CLMN: variants seen among roughly 807,000 people sequenced by gnomAD.
CLMN encodes calmin.
CLMN carries 57 observed loss-of-function variants against 92.7 expected under a neutral mutation model. The observed-to-expected ratio is 0.61, with a 90% CI of 0.50 to 0.77. The LOEUF (loss-of-function observed/expected upper bound fraction) is 0.77. Ranked by LOEUF, CLMN falls within the 30% of genes least tolerant of loss-of-function variation. The pLI is 0.00. For synonymous variants in CLMN, 466 were observed against 470.6 expected (o/e 0.99, Z 0.13); for missense variants, 1,158 against 1,237.5 (o/e 0.94, Z 0.96).
chr14:95,195,150 A>C (rs1171291642), intron 10 of CLMN, among the ~76,000 whole-genome samples: 1 of 152,210 alleles, frequency 6.6e-6, no homozygotes, highest in African/African-American at 2.4e-5. Context: ...CCTCTCCTGA[A>C]GTCCCCAGGC....
Position 95,203,653 on chromosome 14 carries a change from A to T in CLMN, c.1696T>A (p.Phe566Ile), listed in dbSNP as rs201614969. Residue 566 changes from phenylalanine (F) to isoleucine (I), a missense_variant, in exon 9 of 13, where the codon TTT becomes ATT. By Grantham distance (21) the Phe-to-Ile change is conservative. Coordinates refer to ENST00000298912, the MANE Select transcript of CLMN (RefSeq NM_024734.4). ...FEAIPLKASKFNSDLIDFAST... is the reference protein window; with the variant it reads ...FEAIPLKASKINSDLIDFAST... Reference sequence around the variant, plus strand: ...GCAAAATCTATTAGGTCGCTGTTAAATTTTGAGGCTTTTAATGGGATGGCT... The same window carrying T: ...GCAAAATCTATTAGGTCGCTGTTAATTTTTGAGGCTTTTAATGGGATGGCT... 9.9e-6 allele frequency: 16 copies of T among 1,614,202 alleles called. No homozygotes were observed. In the Admixed American group the frequency reaches 2.0e-4, roughly 20 times the overall value.
At chr14:95,286,732 T>TCCC (rs2140750553) in intron 1 of CLMN, among the ~76,000 whole-genome samples, 1 of 151,782 alleles carries the variant, frequency 6.6e-6, no homozygotes, top group Admixed American at 6.6e-5. Flanking sequence ...AGACCAAGAG[T>TCCC]CTGCAGGGAG....
At chr14:95,197,545 T>C (rs1202783526) in intron 9 of CLMN, among the ~76,000 whole-genome samples, 1 of 152,154 alleles carries the variant, frequency 6.6e-6, no homozygotes. Flanking sequence ...AGGTGGCCTA[T>C]AGGTTTGGAG....
chr14:95,187,223 A>C lies in CLMN; in HGVS notation c.*4341T>G, dbSNP rs1896461495. The C allele has an allele frequency of 6.6e-6, 1 of 152,268 alleles. No homozygotes were observed. Among genetic ancestry groups the C allele is most frequent in the East Asian group, 1.9e-4 (1 of 5,198 alleles). 9.4% of individuals were successfully genotyped at this position (152,268 alleles called of 1,614,324 possible). On this transcript the variant is annotated 3_prime_UTR_variant, in exon 13 of 13. Coordinates refer to ENST00000298912, the MANE Select transcript of CLMN (RefSeq NM_024734.4). ...ATAACTCAAATGGGGTTTATGGATC[A>C]AGATGGTATACTGAACACATGAGCC... is the stretch of plus-strand genomic sequence containing the variant.
intron 1 of CLMN, among the ~76,000 whole-genome samples, chr14:95,270,483 G>A (rs1899664907): frequency 6.6e-6 from 1 of 152,070 alleles, no homozygotes; most frequent in Admixed American, 6.6e-5. Flanking sequence ...AACACTAATA[G>A]ACCTTCTAGC....
intron 12 of CLMN, chr14:95,193,467 G>A: frequency 8.5e-7 from 1 of 1,175,632 alleles, no homozygotes; most frequent in Non-Finnish European, 1.2e-6. Context: ...GCATTCACAG[G>A]GGCCACACAG....
chr14:95,207,058 G>A (rs1226623594), intron 8 of CLMN, among the ~76,000 whole-genome samples: 1 of 152,048 alleles, frequency 6.6e-6, no homozygotes, highest in Non-Finnish European at 1.5e-5. Context: ...TATTGGCAGG[G>A]CTGGATCCCT....
intron 1 of CLMN, among the ~76,000 whole-genome samples, chr14:95,306,737 A>AAT: frequency 6.6e-6 from 1 of 152,248 alleles, no homozygotes; most frequent in Non-Finnish European, 1.5e-5. Flanking sequence ...TACACAGCTA[A>AAT]GCTCTGAAGA....
In CLMN at chr14:95,203,149, C is replaced by T; in HGVS notation, c.2200G>A (p.Val734Ile). Reference sequence around the variant, plus strand: ...GCCTCCAAAACTGCAGCCAGGGGAACCTCATAGTGTGGGAAATAGAAGAGG... The same window carrying T: ...GCCTCCAAAACTGCAGCCAGGGGAATCTCATAGTGTGGGAAATAGAAGAGG... ...HDLFYFPHYE[V>I]PLAAVLEAYV... The change falls in exon 9 of 13, where the codon GTT becomes ATT. Residue 734 changes from valine to isoleucine, a missense_variant. Val to Ile is a conservative substitution (Grantham distance 29). Coordinates refer to ENST00000298912, the MANE Select transcript of CLMN (RefSeq NM_024734.4). 6.2e-7 allele frequency: 1 copy of T among 1,612,790 alleles called. No individual in the cohort carries two copies. Among genetic ancestry groups the T allele is most frequent in the African/African-American group, 1.3e-5 (1 of 74,998 alleles).
intron 1 of CLMN, among the ~76,000 whole-genome samples, chr14:95,292,917 CA>C (rs1900633033): frequency 1.3e-5 from 2 of 152,296 alleles, no homozygotes; most frequent in South Asian, 4.1e-4. Context: ...CGGCCACAAA[CA>C]TGATCATCCA....
chr14:95,211,736 G>A lies in CLMN; in HGVS notation c.609-857C>T, dbSNP rs184037539. On this transcript the variant is annotated intron_variant, in intron 6 of 12. Coordinates refer to ENST00000298912, the MANE Select transcript of CLMN (RefSeq NM_024734.4). ...CCAAAAGAAGTTGAAACACAGTACA[G>A]AGAGTCTCTACTCTTTCCCCAGCTT... Among the ~76,000 whole-genome samples, 16 of 151,756 alleles carry A rather than the reference G, an allele frequency of 1.1e-4. No homozygotes were observed. In the East Asian group the frequency reaches 2.9e-3, roughly 28 times the overall value.
Position 95,215,689 on chromosome 14 carries a change from G to A in CLMN, c.369C>T (p.Asn123=), listed in dbSNP as rs1406959418. Residue 123 remains asparagine (N), a synonymous_variant, in exon 5 of 13, where the codon AAC becomes AAT. Coordinates refer to ENST00000298912, the MANE Select transcript of CLMN (RefSeq NM_024734.4). ...ATATCAGCCCAAGAACCAAAGAAGG[G>A]TTGCCATCTGCTATTTCTGCTGCAT... ...SIDAAEIADG[N]PSLVLGLIWN... The A allele has an allele frequency of 1.2e-6, 2 of 1,614,078 alleles. No homozygotes were observed. The highest frequency in any genetic ancestry group is 1.7e-5 in the Admixed American group (1 of 60,000).
intron 1 of CLMN, among the ~76,000 whole-genome samples, chr14:95,239,491 A>G (rs2140651645): frequency 6.6e-6 from 1 of 152,328 alleles, no homozygotes; most frequent in South Asian, 2.1e-4. Flanking sequence ...TCTGTTGAGA[A>G]CCACAGATTT....
chr14:95,292,854 G>A (rs2140762321), intron 1 of CLMN, among the ~76,000 whole-genome samples: 1 of 152,234 alleles, frequency 6.6e-6, no homozygotes, highest in South Asian at 2.1e-4. Flanking sequence ...CGGGTGCCCG[G>A]TGTGGGTCTG....
intron 1 of CLMN, among the ~76,000 whole-genome samples, chr14:95,231,797 T>C (rs1414385971): frequency 6.6e-6 from 1 of 152,188 alleles, no homozygotes; most frequent in East Asian, 1.9e-4. Context: ...ATTCCAATCA[T>C]GGCAAAGGTG....
chr14:95,256,907 G>A lies in CLMN; in HGVS notation c.83-26774C>T, dbSNP rs900687353. Among the ~76,000 whole-genome samples, 1 of 152,212 alleles carries A rather than the reference G, an allele frequency of 6.6e-6. No homozygotes were observed. The highest frequency in any genetic ancestry group is 1.5e-5 in the Non-Finnish European group (1 of 68,040). ...CGGTGTTAGCAGATAGGGAAAAGGAGAGGGCATTCTCCATGTTGGGAACAG... is the reference window on the plus strand; with the variant it reads ...CGGTGTTAGCAGATAGGGAAAAGGAAAGGGCATTCTCCATGTTGGGAACAG... On this transcript the variant is annotated intron_variant, in intron 1 of 12. Coordinates refer to ENST00000298912, the MANE Select transcript of CLMN (RefSeq NM_024734.4). The surrounding 1 kb of genome is among the most constrained non-coding windows in gnomAD (Gnocchi z 4.9).
chr14:95,289,498 TAAATAAATAAACAAACAAAC>T (rs762329447), intron 1 of CLMN, among the ~76,000 whole-genome samples: 2,716 of 126,584 alleles, frequency 0.021, 31 homozygotes, highest in Non-Finnish European at 0.03. Flanking sequence ...AATAAATAAA[TAAATAAATAAACAAACAAAC>T]AAACAAAAAA....
intron 1 of CLMN, among the ~76,000 whole-genome samples, chr14:95,233,523 T>C (rs1031854774): frequency 3.9e-5 from 6 of 152,322 alleles, no homozygotes; most frequent in East Asian, 3.9e-4. Context: ...TTCTGGAAAT[T>C]ATGATAGGCT....
intron 1 of CLMN, among the ~76,000 whole-genome samples, chr14:95,290,779 T>C (rs988091935): frequency 6.6e-6 from 1 of 152,182 alleles, no homozygotes; most frequent in African/African-American, 2.4e-5. Context: ...CGGACCTCCT[T>C]ATGGTGCTTT....
Sources: gnomAD v4.1 joint callset for allele counts (sites outside exome capture counted in the v4.1 genomes callset) on GRCh38, gnomAD v4.1.1 for gene constraint, Gnocchi (gnomAD v3.1) non-coding constraint, MANE v1.5 for transcripts, NCBI Gene and HGNC (gene_info 2026-07-23, HGNC 2026-07-21) for gene names.